The following RAD51B variants were observed in gnomAD, a reference collection of about 807,000 sequenced individuals.
RAD51B encodes DNA repair protein RAD51 homolog 2.
A neutral mutation model predicts 42.2 loss-of-function variants in RAD51B; 38 were observed. The observed-to-expected ratio is 0.90, with a 90% confidence interval of 0.70 to 1.18. The LOEUF is 1.18. Ranked by LOEUF, RAD51B falls within the 50% of genes most tolerant of loss-of-function variation. The pLI is 0.00. For missense variants in RAD51B, 373 were observed against 400.7 expected (o/e 0.93, Z 0.59); for synonymous variants, 154 against 145.2 (o/e 1.06, Z -0.43).
intron 10 of RAD51B, among the ~76,000 whole-genome samples, chr14:68,548,368 G>C (rs894861327): frequency 3.9e-5 from 6 of 152,194 alleles, no homozygotes; most frequent in African/African-American, 1.2e-4. Flanking sequence ...ACTCAGGCTC[G>C]TGCGTCACTG....
chr14:68,658,125 G>A (rs1230575564), intron 11 of RAD51B, among the ~76,000 whole-genome samples: 1 of 152,220 alleles, frequency 6.6e-6, no homozygotes, highest in Non-Finnish European at 1.5e-5. Context: ...GGAGCACCAG[G>A]GACCATGAAA....
chr14:68,096,697 T>G (rs2140535208), intron 7 of RAD51B, among the ~76,000 whole-genome samples: 1 of 152,368 alleles, frequency 6.6e-6, no homozygotes, highest in African/African-American at 2.4e-5. Flanking sequence ...TTTAAAATGC[T>G]TATTATGAAT....
chr14:67,889,560 T>A (rs2043158163), intron 7 of RAD51B, among the ~76,000 whole-genome samples: 1 of 148,698 alleles, frequency 6.7e-6, no homozygotes, highest in Admixed American at 6.7e-5. Context: ...TATAAATATA[T>A]AAAATGTGAT....
chr14:68,512,396 A>G (rs745381570), intron 10 of RAD51B, among the ~76,000 whole-genome samples: 2 of 152,194 alleles, frequency 1.3e-5, no homozygotes, highest in Admixed American at 6.5e-5. Flanking sequence ...GTTTACCTCT[A>G]TGTGGATAAT....
chr14:68,506,750 G>A (rs557946108), intron 10 of RAD51B, among the ~76,000 whole-genome samples: 9 of 152,290 alleles, frequency 5.9e-5, no homozygotes, highest in Admixed American at 2.0e-4. Flanking sequence ...CTGTGTGCCC[G>A]TGTATGTATG....
chr14:68,138,549 TTCTG>T (rs1279570994), intron 7 of RAD51B, among the ~76,000 whole-genome samples: 1 of 152,172 alleles, frequency 6.6e-6, no homozygotes, highest in Non-Finnish European at 1.5e-5. Context: ...ATAAAAACTT[TTCTG>T]TCTTTCTCTG....
At chr14:68,602,502 ATAGCTAGATAGATAGC>A (rs1429437754) in intron 10 of RAD51B, among the ~76,000 whole-genome samples, 4 of 137,882 alleles carry the variant, frequency 2.9e-5, no homozygotes, top group African/African-American at 7.5e-5. Context: ...GGATGGATGG[ATAGCTAGATAGATAGC>A]TAGCTAGATA....
At chr14:68,252,621 G>GA (rs1365632892) in intron 7 of RAD51B, among the ~76,000 whole-genome samples, 1 of 152,018 alleles carries the variant, frequency 6.6e-6, no homozygotes, top group Non-Finnish European at 1.5e-5. Flanking sequence ...AACATTGCAG[G>GA]AAAAAATACA....
intron 7 of RAD51B, among the ~76,000 whole-genome samples, chr14:68,158,134 C>A (rs2078555955): frequency 6.6e-6 from 1 of 152,134 alleles, no homozygotes; most frequent in African/African-American, 2.4e-5. Flanking sequence ...TTTCTTCTCC[C>A]ATCCCAAGCC....
chr14:68,020,831 A>C (rs1167715860), intron 7 of RAD51B, among the ~76,000 whole-genome samples: 1 of 152,198 alleles, frequency 6.6e-6, no homozygotes, highest in Non-Finnish European at 1.5e-5. Context: ...TTATTTTCTA[A>C]TCTGCTTTTT....
intron 9 of RAD51B, among the ~76,000 whole-genome samples, chr14:68,456,104 G>A (rs886228530): frequency 1.3e-5 from 2 of 152,124 alleles, no homozygotes; most frequent in Non-Finnish European, 2.9e-5. Flanking sequence ...AGTTAAAATT[G>A]TACACTAGAA....
chr14:68,105,876 C>G (rs8005632), intron 7 of RAD51B, among the ~76,000 whole-genome samples: 180 of 152,048 alleles, frequency 1.2e-3, no homozygotes, highest in African/African-American at 4.1e-3. Flanking sequence ...ATTGGGTCCT[C>G]TAAAAGATCA....
At chr14:68,471,123 G>A (rs563682921) in intron 10 of RAD51B, among the ~76,000 whole-genome samples, 1 of 152,276 alleles carries the variant, frequency 6.6e-6, no homozygotes, top group Admixed American at 6.5e-5. Context: ...TGTGGAGGTT[G>A]GCACCTGGAG....
intron 10 of RAD51B, among the ~76,000 whole-genome samples, chr14:68,575,347 A>T (rs1889914267): frequency 6.6e-6 from 1 of 152,186 alleles, no homozygotes. Flanking sequence ...GCCAAGGCTT[A>T]CATGACAAGC....
intron 7 of RAD51B, among the ~76,000 whole-genome samples, chr14:68,046,447 G>A (rs1250884806): frequency 1.3e-5 from 2 of 152,192 alleles, no homozygotes; most frequent in Non-Finnish European, 2.9e-5. Flanking sequence ...TTCAAATGTT[G>A]TGATTGTCTA....
intron 10 of RAD51B, among the ~76,000 whole-genome samples, chr14:68,500,962 G>A (rs1884877359): frequency 6.6e-6 from 1 of 152,152 alleles, no homozygotes; most frequent in African/African-American, 2.4e-5. Context: ...CTCTTATAGG[G>A]CTAAACCCAG....
chr14:68,426,862 G>C (rs996000339), intron 9 of RAD51B, among the ~76,000 whole-genome samples: 10 of 152,150 alleles, frequency 6.6e-5, no homozygotes, highest in African/African-American at 2.4e-4. Flanking sequence ...CAATCCCGGA[G>C]CTCTAGGAGG....
intron 7 of RAD51B, among the ~76,000 whole-genome samples, chr14:68,164,255 C>A (rs1410450673): frequency 6.6e-6 from 1 of 152,142 alleles, no homozygotes; most frequent in African/African-American, 2.4e-5. Context: ...AGAGCATTTC[C>A]TTTCCTTTAA....
intron 10 of RAD51B, among the ~76,000 whole-genome samples, chr14:68,623,218 G>A (rs1891995329): frequency 1.3e-5 from 2 of 152,120 alleles, no homozygotes; most frequent in Non-Finnish European, 2.9e-5. Flanking sequence ...CCTCCCCCAG[G>A]ACTGCCTTAA....
Sources: gnomAD v4.1 joint callset for allele counts (sites outside exome capture counted in the v4.1 genomes callset) on GRCh38, gnomAD v4.1.1 for gene constraint, MANE v1.5 for transcripts, NCBI Gene and HGNC (gene_info 2026-07-23, HGNC 2026-07-21) for gene names.